Variants in PRKDC observed in about 807,000 individuals in gnomAD.
PRKDC encodes the protein protein kinase, DNA-activated, catalytic subunit, also known as DNA-dependent protein kinase catalytic subunit.
In PRKDC, 82 loss-of-function variants were observed where a neutral mutation model predicts 486.9. The observed-to-expected ratio is 0.17, with a 90% CI of 0.14 to 0.20. The LOEUF (loss-of-function observed/expected upper bound fraction) is 0.20. PRKDC is among the 10% of genes least tolerant of loss of function. PRKDC has a pLI of 1.00. For missense variants in PRKDC, 4,504 were observed against 5,038.2 expected (o/e 0.89, Z 3.21); for synonymous variants, 1,895 against 1,837.0 (o/e 1.03, Z -0.81).
intron 11 of PRKDC, 90 bp from the exon 12 acceptor site, chr8:47,936,607 C>A: frequency 6.9e-7 from 1 of 1,454,986 alleles, no homozygotes; most frequent in Non-Finnish European, 9.3e-7. Context: ...TGATTATAAA[C>A]ACAAGTTTAA....
rs1304083756 is a variant in PRKDC at position 47,887,619 on chromosome 8, C to T, written c.4500G>A (p.Leu1500=). 1 of 1,604,892 alleles carries T rather than the reference C, an allele frequency of 6.2e-7. No homozygotes were observed. The highest frequency in any genetic ancestry group is 1.7e-5 in the Admixed American group (1 of 58,686). Residue 1500 remains leucine, a synonymous_variant, in exon 35 of 86, where the codon CTG becomes CTA. Transcript: ENST00000314191. ...GIAPGDERQC[L]PSLDLSCKQL... Reference sequence around the variant, plus strand: ...GCTTACAACTGAGGTCTAGAGAAGGCAGACACTGTCTCTCATCTCCAGGGG... The same window carrying T: ...GCTTACAACTGAGGTCTAGAGAAGGTAGACACTGTCTCTCATCTCCAGGGG...
Position 47,781,323 on chromosome 8 carries a change from T to A in PRKDC, c.11489+839A>T, listed in dbSNP as rs373445529. Among the ~76,000 whole-genome samples, 587 of 152,352 alleles carry A rather than the reference T, an allele frequency of 3.9e-3. 4 individuals are homozygous for A. Among genetic ancestry groups the A allele is most frequent in the South Asian group, 0.025 (121 of 4,828 alleles). On this transcript the variant is annotated intron_variant, in intron 80 of 85. Transcript: ENST00000314191. ...TCTGGAACTAAAAGTTGGTGAACAC[T>A]GCCCTGTAGAGTAATTATCACCTGG...
At chr8:47,854,042 T>G in intron 51 of PRKDC, 41 bp downstream of exon 51, 1 of 1,607,944 alleles carries the variant, frequency 6.2e-7, no homozygotes, top group Non-Finnish European at 8.5e-7. Flanking sequence ...CAATCCAGTT[T>G]GGGTAGACGT....
chr8:47,871,415 C>T (rs947364038), intron 40 of PRKDC, among the ~76,000 whole-genome samples: 7 of 151,976 alleles, frequency 4.6e-5, no homozygotes, highest in Non-Finnish European at 7.4e-5. Context: ...ACTTTACAGG[C>T]GAAGACAGAG....
chr8:47,918,472 G>A, intron 21 of PRKDC, 89 bp from the exon 22 acceptor site: 1 of 689,834 alleles, frequency 1.4e-6, no homozygotes, highest in Non-Finnish European at 2.1e-6. Context: ...TTGTCAAATA[G>A]AAACATTAAA....
At position 47,849,312 on chromosome 8, in the gene PRKDC, G is replaced by A. The variant is rs1209813445; in HGVS notation, c.7131-9C>T. ...ACACAGCATTCATGAACCTGGCGGG[G>A]AAGGGAACTGGTGAGAGGAGGGCCG... On this transcript the variant is annotated splice_polypyrimidine_tract_variant and intron_variant, in intron 53 of 85. Coordinates refer to ENST00000314191, the MANE Select transcript of PRKDC (RefSeq NM_006904.7). 6.2e-7 allele frequency: 1 copy of A among 1,613,860 alleles called. No homozygotes were observed. Among genetic ancestry groups the A allele is most frequent in the Non-Finnish European group, 8.5e-7 (1 of 1,179,866 alleles).
intron 7 of PRKDC, among the ~76,000 whole-genome samples, chr8:47,950,709 C>A (rs573159599): frequency 1.3e-5 from 2 of 151,704 alleles, no homozygotes; most frequent in Non-Finnish European, 2.9e-5. Flanking sequence ...ATTGGCCAGG[C>A]GTGGCAGGTC....
chr8:47,959,982 C>A lies in PRKDC; in HGVS notation c.145G>T (p.Ala49Ser), dbSNP rs1403177409. ...GQECVLSSSP[A>S]VLALQTSLVF... is the part of the protein sequence containing the mutation. ...TCGGGCCGGTACCCACCCAGCACCG[C>A]GGGGCTGCTGCTCAGGACGCATTCC... The change falls in exon 1 of 86, where the codon GCG (alanine) becomes TCG (serine). Residue 49 changes from alanine (A) to serine (S), a missense_variant. Around this residue, in one of 6 missense-constraint regions of PRKDC, gnomAD observed 145 missense variants for 136.3 expected, o/e 1.06. Transcript: ENST00000314191. 7.8e-6 allele frequency: 12 copies of A among 1,534,952 alleles called. No homozygotes were observed. The highest frequency in any genetic ancestry group is 5.9e-5 in the South Asian group (5 of 84,044).
chr8:47,797,250 T>A (rs1417254765), intron 73 of PRKDC, among the ~76,000 whole-genome samples: 1 of 152,214 alleles, frequency 6.6e-6, no homozygotes, highest in African/African-American at 2.4e-5. Flanking sequence ...CTTCATGTCC[T>A]CACAAATTCA....
In PRKDC at chr8:47,889,053, A is replaced by G; in HGVS notation, c.4241T>C (p.Ile1414Thr). Residue 1414 changes from isoleucine to threonine, a missense_variant, in exon 33 of 86, where the codon ATC becomes ACC. By Grantham distance (89) the Ile-to-Thr change is moderately conservative. Around this residue, in one of 6 missense-constraint regions of PRKDC, gnomAD observed 1,969 missense variants for 2,068.9 expected, o/e 0.95. Coordinates refer to ENST00000314191, the MANE Select transcript of PRKDC (RefSeq NM_006904.7). Reference protein sequence around the residue: ...KALKMSPYKDILETHLREKIT... With the variant: ...KALKMSPYKDTLETHLREKIT... ...TTTCTCTCTCAGATGGGTCTCTAGGATATCTTTGTATGGGGACATCTTTAG... is the reference window on the plus strand; with the variant it reads ...TTTCTCTCTCAGATGGGTCTCTAGGGTATCTTTGTATGGGGACATCTTTAG... 2 of 1,613,926 alleles carry G rather than the reference A, an allele frequency of 1.2e-6. No individual in the cohort carries two copies. Among genetic ancestry groups the G allele is most frequent in the Non-Finnish European group, 1.7e-6 (2 of 1,179,862 alleles).
intron 57 of PRKDC, among the ~76,000 whole-genome samples, chr8:47,836,940 C>A (rs1054016661): frequency 1.3e-5 from 2 of 152,146 alleles, no homozygotes; most frequent in Admixed American, 6.5e-5. Flanking sequence ...TAGGCTGCTG[C>A]GAGACAGGAC....
chr8:47,928,439 C>T lies in PRKDC; in HGVS notation c.2140-549G>A, dbSNP rs972463969. Among the ~76,000 whole-genome samples, 3 of 152,266 alleles carry T rather than the reference C, an allele frequency of 2.0e-5. No individual in the cohort carries two copies. The South Asian group carries it at 6.2e-4, about 32-fold the overall frequency. On this transcript the variant is annotated intron_variant, in intron 19 of 85. Transcript: ENST00000314191. ...AAGTGCTAGGATTACAGGCACGAAC[C>T]AAAGTGCCTGGCTGAGGGACTTTTG...
At chr8:47,948,121 C>T (rs1223997820) in intron 7 of PRKDC, among the ~76,000 whole-genome samples, 2 of 151,542 alleles carry the variant, frequency 1.3e-5, no homozygotes, top group East Asian at 3.9e-4. Context: ...CACACACACA[C>T]ACACGCGTTT....
At position 47,929,148 on chromosome 8, in the gene PRKDC, G is replaced by A. The variant is rs8178046; in HGVS notation, c.2083C>T (p.Pro695Ser). ...GVSPKSLKHS[P>S]EDPEKYSCFA... ...CAAGAATACTTTTCTGGGTCTTCAG[G>A]AGAGTGTTTCAGACTCTTTGGACTA... is the stretch of plus-strand genomic sequence containing the variant. The change falls in exon 19 of 86, where the codon CCT (proline) becomes TCT (serine). Residue 695 changes from proline to serine, a missense_variant. This residue lies in a region of PRKDC where 1,969 missense variants were observed against 2,068.9 expected (regional missense o/e 0.95). Transcript: ENST00000314191. 23,249 of 1,579,236 alleles carry A rather than the reference G, an allele frequency of 0.015. 249 individuals carry two copies. Among genetic ancestry groups the A allele is most frequent in the Non-Finnish European group, 0.018 (21,356 of 1,160,654 alleles).
At chr8:47,824,633 G>GA (rs2087690606) in intron 63 of PRKDC, among the ~76,000 whole-genome samples, 3 of 152,062 alleles carry the variant, frequency 2.0e-5, no homozygotes, top group Admixed American at 2.0e-4. Flanking sequence ...AGAAGCAAAA[G>GA]AAAAAATAAT....
intron 54 of PRKDC, among the ~76,000 whole-genome samples, chr8:47,848,469 C>G (rs1400472459): frequency 6.6e-6 from 1 of 151,986 alleles, no homozygotes; most frequent in Non-Finnish European, 1.5e-5. Context: ...ACAACAGACA[C>G]TGGGGAACAG....
At position 47,933,921 on chromosome 8, in the gene PRKDC, A is replaced by C. The variant is rs561759262; in HGVS notation, c.1623+44T>G. On this transcript the variant is annotated intron_variant, in intron 15 of 85. Coordinates refer to ENST00000314191, the MANE Select transcript of PRKDC (RefSeq NM_006904.7). ...TTATGTCTAAACTATGGAGACTAATAAAGGAAGTAAGGTACATTTATGGCT... is the reference window on the plus strand; with the variant it reads ...TTATGTCTAAACTATGGAGACTAATCAAGGAAGTAAGGTACATTTATGGCT... The C allele has an allele frequency of 2.5e-4, 397 of 1,563,982 alleles. 5 individuals are homozygous for C. In the South Asian group the frequency reaches 4.5e-3, roughly 18 times the overall value.
chr8:47,876,377 C>T (rs975783901), intron 40 of PRKDC, among the ~76,000 whole-genome samples: 8 of 151,852 alleles, frequency 5.3e-5, no homozygotes, highest in Non-Finnish European at 1.2e-4. Context: ...AATCAATAAT[C>T]GGGGCCAGGC....
At chr8:47,851,743 T>C (rs907623199) in intron 52 of PRKDC, among the ~76,000 whole-genome samples, 1 of 151,594 alleles carries the variant, frequency 6.6e-6, no homozygotes, top group African/African-American at 2.4e-5. Flanking sequence ...GCTGTGGAGG[T>C]GTTCAGGGAA....
Sources: allele counts gnomAD v4.1 joint callset (sites outside exome capture counted in the v4.1 genomes callset), GRCh38; gene constraint gnomAD v4.1.1; regional missense constraint gnomAD v4.1.1; transcripts MANE v1.5; gene names NCBI Gene and HGNC (gene_info 2026-07-23, HGNC 2026-07-21).